The following STOX1 variants were observed in gnomAD, a reference collection of about 807,000 sequenced individuals.
STOX1 encodes storkhead box 1.
STOX1 carries 57 observed loss-of-function variants against 74.8 expected under a neutral mutation model. That is an observed-to-expected ratio of 0.76 (90% CI 0.62 to 0.95). STOX1 has a LOEUF of 0.95. STOX1 is among the 40% of genes least tolerant of loss of function. STOX1 has a pLI of 0.00. For synonymous variants in STOX1, 375 were observed against 401.3 expected, an observed-to-expected ratio of 0.93 and a Z score of 0.78; for missense variants, 1,010 against 1,117.0, an observed-to-expected ratio of 0.90 and a Z score of 1.37.
At chr10:68,851,518 C>G (rs1313821903) in intron 1 of STOX1, among the ~76,000 whole-genome samples, 1 of 151,960 alleles carries the variant, frequency 6.6e-6, no homozygotes, top group East Asian at 1.9e-4. Context: ...TATGAATGTA[C>G]CAGATTACCA....
intron 1 of STOX1, among the ~76,000 whole-genome samples, chr10:68,865,392 G>C (rs1274874094): frequency 6.6e-6 from 1 of 152,238 alleles, no homozygotes; most frequent in African/African-American, 2.4e-5. Flanking sequence ...GCTCACGCCT[G>C]TAATCCCAGC....
chr10:68,876,036 CT>C (rs1840667235), intron 1 of STOX1, among the ~76,000 whole-genome samples: 1 of 151,214 alleles, frequency 6.6e-6, no homozygotes, highest in African/African-American at 2.4e-5. Flanking sequence ...TTTTAAACTC[CT>C]CATACTTTGC....
At chr10:68,853,700 T>C (rs1840047400) in intron 1 of STOX1, among the ~76,000 whole-genome samples, 1 of 152,048 alleles carries the variant, frequency 6.6e-6, no homozygotes, top group African/African-American at 2.4e-5. Flanking sequence ...GTTTTTTGTT[T>C]TTTGAGACGG....
chr10:68,865,713 G>C (rs909094607), intron 1 of STOX1, among the ~76,000 whole-genome samples: 2 of 152,192 alleles, frequency 1.3e-5, no homozygotes, highest in Non-Finnish European at 2.9e-5. Context: ...AGTCCTGGCT[G>C]TAATGCCCCC....
At chr10:68,855,050 T>C (rs1036405738) in intron 1 of STOX1, among the ~76,000 whole-genome samples, 1 of 151,986 alleles carries the variant, frequency 6.6e-6, no homozygotes. Context: ...CCTAGGAGTT[T>C]GAGGTTATAG....
intron 1 of STOX1, among the ~76,000 whole-genome samples, chr10:68,845,824 A>T (rs1053473549): frequency 6.9e-6 from 1 of 145,666 alleles, no homozygotes; most frequent in Non-Finnish European, 1.5e-5. Flanking sequence ...CTGGTCTTGA[A>T]CTCCTAACTT....
At chr10:68,867,687 C>T (rs977172386) in intron 1 of STOX1, among the ~76,000 whole-genome samples, 1 of 152,230 alleles carries the variant, frequency 6.6e-6, no homozygotes, top group African/African-American at 2.4e-5. Flanking sequence ...CTCCTTCCTC[C>T]TCATTGTCAG....
chr10:68,879,233 C>G (rs1444793050), intron 1 of STOX1, among the ~76,000 whole-genome samples: 4 of 152,142 alleles, frequency 2.6e-5, no homozygotes, highest in Admixed American at 1.3e-4. Flanking sequence ...TTTCCTAGTA[C>G]TTTGAGAATA....
At chr10:68,841,328 A>G (rs1839688758) in intron 1 of STOX1, among the ~76,000 whole-genome samples, 1 of 152,156 alleles carries the variant, frequency 6.6e-6, no homozygotes, top group Non-Finnish European at 1.5e-5. Context: ...CCTGTAACAC[A>G]TTCACATAGT....
chr10:68,886,688 G>A lies in STOX1; in HGVS notation c.2822+70G>A, dbSNP rs562986559. 2.1e-6 allele frequency: 3 copies of A among 1,445,220 alleles called. No individual in the cohort carries two copies. The South Asian group carries it at 3.5e-5, about 17-fold the overall frequency. 89.5% of individuals were successfully genotyped at this position (1,445,220 alleles called of 1,614,324 possible). ...TCATGCCTGTAATCCCAGCATTTTGGGAGGCCGAGGCGGGCAGATCACGAG... is the reference window on the plus strand; with the variant it reads ...TCATGCCTGTAATCCCAGCATTTTGAGAGGCCGAGGCGGGCAGATCACGAG... On this transcript the variant is annotated intron_variant, in intron 3 of 3. Coordinates refer to ENST00000298596, the MANE Select transcript of STOX1 (RefSeq NM_152709.5).
chr10:68,883,755 T>C (rs1488062655), intron 2 of STOX1, among the ~76,000 whole-genome samples: 2 of 147,204 alleles, frequency 1.4e-5, no homozygotes, highest in African/African-American at 5.1e-5. Flanking sequence ...TATGCTTCTT[T>C]GGCTTTTTTT....
chr10:68,877,864 C>T (rs1430919594), intron 1 of STOX1, among the ~76,000 whole-genome samples: 5 of 152,196 alleles, frequency 3.3e-5, no homozygotes, highest in East Asian at 1.9e-4. Flanking sequence ...CCTTGTCTTT[C>T]AAGGAAGGGA....
At chr10:68,862,821 C>T (rs967365013) in intron 1 of STOX1, among the ~76,000 whole-genome samples, 1 of 152,098 alleles carries the variant, frequency 6.6e-6, no homozygotes, top group Non-Finnish European at 1.5e-5. Context: ...TGCAGCACCT[C>T]TGCCTATTCT....
At chr10:68,883,570 T>G (rs1390199211) in intron 2 of STOX1, among the ~76,000 whole-genome samples, 2 of 151,896 alleles carry the variant, frequency 1.3e-5, no homozygotes. Flanking sequence ...CCCGCCACCA[T>G]GCCCTGCTAA....
chr10:68,849,629 G>A (rs34905486), intron 1 of STOX1, among the ~76,000 whole-genome samples: 3 of 151,976 alleles, frequency 2.0e-5, no homozygotes, highest in Non-Finnish European at 2.9e-5. Flanking sequence ...CCTCCTGCCC[G>A]GCCTTGTGCA....
At chr10:68,886,965 T>C (rs762562359) in intron 3 of STOX1, among the ~76,000 whole-genome samples, 19 of 152,068 alleles carry the variant, frequency 1.2e-4, no homozygotes, top group Non-Finnish European at 2.5e-4. Flanking sequence ...GCCACAGTTC[T>C]ACAGGAATTA....
chr10:68,835,216 A>T (rs1418116480), intron 1 of STOX1, among the ~76,000 whole-genome samples: 1 of 150,498 alleles, frequency 6.6e-6, no homozygotes, highest in Non-Finnish European at 1.5e-5. Flanking sequence ...TAATTTTTGT[A>T]TTTTTAATAG....
chr10:68,884,642 G>GGCA lies in STOX1; in HGVS notation c.848_850dup (p.Ala283dup). 1 of 1,614,040 alleles carries GGCA rather than the reference G, an allele frequency of 6.2e-7. No homozygotes were observed. Among genetic ancestry groups the GGCA allele is most frequent in the Non-Finnish European group, 8.5e-7 (1 of 1,180,034 alleles). On this transcript the variant is annotated inframe_insertion, in exon 3 of 4. Coordinates refer to ENST00000298596, the MANE Select transcript of STOX1 (RefSeq NM_152709.5). ...AATCCGTATCTTGGGTACAGAATGG[G>GGCA]GCAGTTTCAGTGTCTGCGGAGCACC...
At chr10:68,864,310 T>A (rs942752529) in intron 1 of STOX1, among the ~76,000 whole-genome samples, 3 of 152,220 alleles carry the variant, frequency 2.0e-5, no homozygotes, top group African/African-American at 7.2e-5. Context: ...TTACTAGACC[T>A]ATCTGTGAAG....
Sources: gnomAD v4.1 joint callset for allele counts (sites outside exome capture counted in the v4.1 genomes callset) on GRCh38, gnomAD v4.1.1 for gene constraint, MANE v1.5 for transcripts, NCBI Gene and HGNC (gene_info 2026-07-23, HGNC 2026-07-21) for gene names.